FARP2: variants seen among roughly 807,000 people sequenced by gnomAD.
FARP2 encodes the protein FERM, ARHGEF and pleckstrin domain-containing protein 2.
FARP2 carries 111 observed loss-of-function variants against 130.5 expected under a neutral mutation model. The observed-to-expected ratio is 0.85, with a 90% CI of 0.73 to 1.00. The LOEUF is 1.00. FARP2 is among the 50% of genes least tolerant of loss of function. The probability of loss-of-function intolerance (pLI) is 0.00; values close to 1 mark genes in which losing one functional copy is unlikely to be tolerated. For synonymous variants in FARP2, 504 were observed against 516.9 expected, an observed-to-expected ratio of 0.98 and a Z score of 0.34; for missense variants, 1,385 against 1,346.3, an observed-to-expected ratio of 1.03 and a Z score of -0.45.
At chr2:241,484,182 G>C in intron 20 of FARP2, 60 bp from the exon 21 acceptor site, 2 of 1,607,338 alleles carry the variant, frequency 1.2e-6, no homozygotes, top group Non-Finnish European at 1.7e-6. Context: ...GTCCAAGTTG[G>C]TCTGACTATT....
chr2:241,494,678 TC>T lies in FARP2; in HGVS notation c.*557del, dbSNP rs2065057324. 1 of 152,124 alleles carries T rather than the reference TC, an allele frequency of 6.6e-6. No homozygotes were observed. The highest frequency in any genetic ancestry group is 1.5e-5 in the Non-Finnish European group (1 of 68,014). 9.4% of individuals were successfully genotyped at this position (152,124 alleles called of 1,614,324 possible). A position where few individuals can be genotyped will look rare whatever the true frequency, so the allele number is the denominator to read the frequency against. ...CAAGTCTGGCAGAAGCCACGCTTGT[TC>T]CCCATGTACCTCTAGAGAAGCAGAA... On this transcript the variant is annotated 3_prime_UTR_variant, in exon 27 of 27. Coordinates refer to ENST00000264042, the MANE Select transcript of FARP2 (RefSeq NM_014808.4). This position sits in a 1 kb window ranked among gnomAD's most constrained non-coding sequence, Gnocchi z 4.9.
At chr2:241,451,207 C>G (rs2063649139) in intron 13 of FARP2, among the ~76,000 whole-genome samples, 1 of 152,138 alleles carries the variant, frequency 6.6e-6, no homozygotes, top group Non-Finnish European at 1.5e-5. Context: ...CTCCTGGGCT[C>G]AAGTAATCCA....
intron 12 of FARP2, among the ~76,000 whole-genome samples, chr2:241,437,670 A>ATTTATTTATTTAT (rs1553723709): frequency 1.5e-5 from 2 of 133,120 alleles, no homozygotes; most frequent in East Asian, 4.4e-4. Flanking sequence ...TTATTTATTT[A>ATTTATTTATTTAT]TTTTTTTTTT....
chr2:241,418,555 A>G (rs1319033377), intron 8 of FARP2, among the ~76,000 whole-genome samples: 1 of 152,192 alleles, frequency 6.6e-6, no homozygotes, highest in Non-Finnish European at 1.5e-5. Flanking sequence ...GGTTACAGTA[A>G]TCATTTCAGT....
At chr2:241,411,704 T>C (rs1257855675) in intron 6 of FARP2, among the ~76,000 whole-genome samples, 1 of 152,188 alleles carries the variant, frequency 6.6e-6, no homozygotes, top group Non-Finnish European at 1.5e-5. Context: ...CCCACATTGC[T>C]CCTGGACTAG....
intron 6 of FARP2, among the ~76,000 whole-genome samples, chr2:241,412,568 T>A (rs1033749701): frequency 6.6e-6 from 1 of 152,190 alleles, no homozygotes; most frequent in South Asian, 2.1e-4. Context: ...TATTAAGACA[T>A]TGTGGCCTTA....
At chr2:241,399,721 T>G (rs975526000) in intron 2 of FARP2, among the ~76,000 whole-genome samples, 1 of 152,202 alleles carries the variant, frequency 6.6e-6, no homozygotes, top group Non-Finnish European at 1.5e-5. Flanking sequence ...GTAGTCGATA[T>G]CAGTCTTTTG....
intron 2 of FARP2, among the ~76,000 whole-genome samples, chr2:241,385,992 G>A (rs1575485960): frequency 6.6e-6 from 1 of 152,126 alleles, no homozygotes; most frequent in East Asian, 1.9e-4. Flanking sequence ...TCAACACTAT[G>A]GTTATTTGTC....
intron 18 of FARP2, among the ~76,000 whole-genome samples, chr2:241,474,627 C>T (rs2064407121): frequency 6.6e-6 from 1 of 151,496 alleles, no homozygotes; most frequent in African/African-American, 2.4e-5. Flanking sequence ...CCTGTCTCTA[C>T]TAAAAATACA....
Position 241,482,465 on chromosome 2 carries a change from A to G in FARP2, c.2263-1000A>G, listed in dbSNP as rs1165141176. Among the ~76,000 whole-genome samples, 2 of 152,280 alleles carry G rather than the reference A, an allele frequency of 1.3e-5. No homozygotes were observed. Among genetic ancestry groups the G allele is most frequent in the Admixed American group, 6.5e-5 (1 of 15,298 alleles). ...ACAGGGACCTCGGCGTGCGGTCTCC[A>G]GGGCTCCCTGTCACGCCCCTGTGGC... is the stretch of plus-strand genomic sequence containing the variant. On this transcript the variant is annotated intron_variant, in intron 19 of 26. Coordinates refer to ENST00000264042, the MANE Select transcript of FARP2 (RefSeq NM_014808.4). This position sits in a 1 kb window ranked among gnomAD's most constrained non-coding sequence, Gnocchi z 4.6.
chr2:241,389,636 G>A (rs533180558), intron 2 of FARP2, among the ~76,000 whole-genome samples: 1 of 152,320 alleles, frequency 6.6e-6, no homozygotes, highest in South Asian at 2.1e-4. Context: ...TCTCACCCAG[G>A]TGATCCACTT....
At chr2:241,370,220 G>A (rs773959451) in intron 1 of FARP2, among the ~76,000 whole-genome samples, 1 of 152,138 alleles carries the variant, frequency 6.6e-6, no homozygotes, top group Non-Finnish European at 1.5e-5. Flanking sequence ...AATGTTTGAG[G>A]TCGAGGATAT....
chr2:241,374,770 C>A (rs1326368387), intron 2 of FARP2, among the ~76,000 whole-genome samples: 1 of 152,168 alleles, frequency 6.6e-6, no homozygotes, highest in Non-Finnish European at 1.5e-5. Flanking sequence ...GCCATGGTAA[C>A]TGAAACTGGT....
chr2:241,363,927 G>C lies in FARP2; in HGVS notation c.-25+7539G>C, dbSNP rs889673659. Among the ~76,000 whole-genome samples the C allele has an allele frequency of 5.9e-5, 9 of 152,352 alleles. No individual in the cohort carries two copies. In the East Asian group the frequency reaches 1.5e-3, roughly 26 times the overall value. ...AAAATAACTCGTGAAAAAAGACACA[G>C]GCTAAAGCTGAGGTGGTGCCTATGT... On this transcript the variant is annotated intron_variant, in intron 1 of 26. Coordinates refer to ENST00000264042, the MANE Select transcript of FARP2 (RefSeq NM_014808.4).
chr2:241,376,660 A>G (rs2150306721), intron 2 of FARP2, among the ~76,000 whole-genome samples: 1 of 152,316 alleles, frequency 6.6e-6, no homozygotes, highest in South Asian at 2.1e-4. Context: ...TCGTTTGTCC[A>G]CTTGTCTCAT....
At chr2:241,431,855 T>C in intron 9 of FARP2, 81 bp downstream of exon 9, 1 of 411,622 alleles carries the variant, frequency 2.4e-6, no homozygotes. Flanking sequence ...AGTTTCGCTC[T>C]TGTTGCCCAG....
intron 18 of FARP2, among the ~76,000 whole-genome samples, chr2:241,469,000 G>T (rs939998773): frequency 6.6e-6 from 1 of 152,138 alleles, no homozygotes; most frequent in African/African-American, 2.4e-5. Context: ...CTCTAATGGG[G>T]ACCTATTCTA....
chr2:241,453,653 A>G (rs1050239793), intron 13 of FARP2, among the ~76,000 whole-genome samples: 1 of 152,062 alleles, frequency 6.6e-6, no homozygotes, highest in Middle Eastern at 3.4e-3. Flanking sequence ...AATATTATCA[A>G]ATGATGACTT....
intron 2 of FARP2, among the ~76,000 whole-genome samples, chr2:241,386,183 C>G (rs1203105454): frequency 6.6e-6 from 1 of 152,118 alleles, no homozygotes; most frequent in Non-Finnish European, 1.5e-5. Context: ...TCCTTGAACT[C>G]CAAGGCTCAA....
Sources: allele counts gnomAD v4.1 joint callset (sites outside exome capture counted in the v4.1 genomes callset), GRCh38; gene constraint gnomAD v4.1.1; non-coding constraint Gnocchi (gnomAD v3.1); transcripts MANE v1.5; gene names NCBI Gene and HGNC (gene_info 2026-07-23, HGNC 2026-07-21).